The following CDH2 variants were observed in gnomAD, a reference collection of about 807,000 sequenced individuals.
The protein encoded by CDH2 is cadherin-2.
In CDH2, 17 loss-of-function variants were observed where a neutral mutation model predicts 92.0. That is an observed-to-expected ratio of 0.18 (90% CI 0.13 to 0.28). The LOEUF (loss-of-function observed/expected upper bound fraction) is 0.28, where lower values mean the gene tolerates loss of function less well. Among genes scored for constraint, CDH2 ranks in the 10% least tolerant of loss-of-function variants. The probability of loss-of-function intolerance (pLI) is 1.00; values close to 1 mark genes in which losing one functional copy is unlikely to be tolerated. For synonymous variants in CDH2, 419 were observed against 415.9 expected (o/e 1.01, Z -0.09); for missense variants, 862 against 1,133.1 (o/e 0.76, Z 3.44).
At chr18:27,949,843 G>GTA (rs1185918650), downstream of CDH2, among the ~76,000 whole-genome samples, 1 of 151,610 alleles carries the variant, frequency 6.6e-6, no homozygotes, top group Non-Finnish European at 1.5e-5. Flanking sequence ...TATTTATTGT[G>GTA]TATATATATA....
intron 2 of CDH2, among the ~76,000 whole-genome samples, chr18:28,128,685 C>CAA (rs35960464): frequency 1.3e-4 from 15 of 113,866 alleles, no homozygotes; most frequent in African/African-American, 4.9e-4. Context: ...GACCCCGTCT[C>CAA]AAAAAAAAAA....
intron 14 of CDH2, 113 bp from the exon 15 acceptor site, chr18:27,963,634 TAATGGAA>T: frequency 1.1e-6 from 1 of 880,756 alleles, no homozygotes; most frequent in Non-Finnish European, 1.7e-6. Flanking sequence ...AAATTTAACA[TAATGGAA>T]AAGTTGCCAC....
At position 28,027,851 on chromosome 18, in the gene CDH2, T is replaced by G. The variant is rs113893677; in HGVS notation, c.173-13942A>C. On this transcript the variant is annotated intron_variant, in intron 2 of 15. Coordinates refer to ENST00000269141, the MANE Select transcript of CDH2 (RefSeq NM_001792.5). ...TGCTTAGGCAGTTTTGTTTTGTTTTTTTTTTTTGCAGAATGTACCCATTAA... is the reference window on the plus strand; with the variant it reads ...TGCTTAGGCAGTTTTGTTTTGTTTTGTTTTTTTGCAGAATGTACCCATTAA... Among the ~76,000 whole-genome samples, 224 of 151,890 alleles carry G rather than the reference T, an allele frequency of 1.5e-3. 1 individual carries two copies. Among genetic ancestry groups the G allele is most frequent in the African/African-American group, 5.1e-3 (210 of 41,470 alleles).
intron 2 of CDH2, among the ~76,000 whole-genome samples, chr18:28,113,653 G>C (rs2015449151): frequency 6.6e-6 from 1 of 151,866 alleles, no homozygotes; most frequent in Non-Finnish European, 1.5e-5. Flanking sequence ...CTACTACTAT[G>C]GGCATTTTTA....
chr18:28,095,581 G>A (rs1030138848), intron 2 of CDH2, among the ~76,000 whole-genome samples: 43 of 152,146 alleles, frequency 2.8e-4, no homozygotes, highest in African/African-American at 9.1e-4. Context: ...ACTTTGGGAG[G>A]CCAAGGCGGG....
Position 28,127,536 on chromosome 18 carries a change from A to G in CDH2, c.172+20137T>C, listed in dbSNP as rs111837535. Among the ~76,000 whole-genome samples, 657 of 152,336 alleles carry G rather than the reference A, an allele frequency of 4.3e-3. 17 individuals are homozygous for G. The highest frequency in any genetic ancestry group is 0.015 in the African/African-American group (635 of 41,574). ...TAGGCAAAAATACATTTAAGATTTT[A>G]TTTAATGTTCCTAAAATAATGCTCA... On this transcript the variant is annotated intron_variant, in intron 2 of 15. Coordinates refer to ENST00000269141, the MANE Select transcript of CDH2 (RefSeq NM_001792.5).
At chr18:27,941,394 AAACCT>A (rs1909136716) in intron 6 of CDH2, among the ~76,000 whole-genome samples, 1 of 152,114 alleles carries the variant, frequency 6.6e-6, no homozygotes, top group Admixed American at 6.5e-5. Context: ...TTAATATTTA[AAACCT>A]AACATTTATA....
intron 10 of CDH2, among the ~76,000 whole-genome samples, chr18:27,989,790 T>C (rs2012351239): frequency 6.6e-6 from 1 of 152,180 alleles, no homozygotes; most frequent in African/African-American, 2.4e-5. Context: ...CTTTTTGTGA[T>C]GTTTGGCATA....
intron 1 of CDH2, among the ~76,000 whole-genome samples, chr18:28,153,979 A>T (rs554914844): frequency 6.6e-6 from 1 of 152,092 alleles, no homozygotes; most frequent in East Asian, 1.9e-4. Flanking sequence ...ATTAAAACAG[A>T]CTCTCAAGAG....
chr18:28,177,099 C>T lies in CDH2; in HGVS notation c.-77G>A. 5 of 1,104,042 alleles carry T rather than the reference C, an allele frequency of 4.5e-6. No individual in the cohort carries two copies. The highest frequency in any genetic ancestry group is 3.0e-5 in the South Asian group (2 of 67,292). 68.4% of individuals were successfully genotyped at this position (1,104,042 alleles called of 1,614,324 possible). On this transcript the variant is annotated 5_prime_UTR_variant, in exon 1 of 16. Transcript: ENST00000269141. ...GCGGCGGCGGAGGAGGAGGAGGCAG[C>T]GGCAGCACCAACAGCGGCGCGGAGA...
In CDH2 at chr18:28,155,426, T is replaced by C. The variant is rs571036430; in HGVS notation, c.61-7642A>G. 1.8e-4 allele frequency among the ~76,000 whole-genome samples: 28 copies of C among 152,342 alleles called. No individual in the cohort carries two copies. In the Middle Eastern group the frequency reaches 0.01, roughly 56 times the overall value. Reference sequence around the variant, plus strand: ...TGTGGAGACTTTTATCTCTTTGTTCTGTAAGTAACTGAGAAATATTTTAAA... The same window carrying C: ...TGTGGAGACTTTTATCTCTTTGTTCCGTAAGTAACTGAGAAATATTTTAAA... On this transcript the variant is annotated intron_variant, in intron 1 of 15. Coordinates refer to ENST00000269141, the MANE Select transcript of CDH2 (RefSeq NM_001792.5).
At chr18:28,156,664 A>C (rs4991539) in intron 1 of CDH2, among the ~76,000 whole-genome samples, 610 of 11,404 alleles carry the variant, frequency 0.053, 24 homozygotes, top group Admixed American at 0.088. Flanking sequence ...CCAGGTGCAG[A>C]ATGTCACCTT....
At chr18:28,046,571 A>G (rs2014081323) in intron 2 of CDH2, among the ~76,000 whole-genome samples, 1 of 152,130 alleles carries the variant, frequency 6.6e-6, no homozygotes. Context: ...AAGTTACAAG[A>G]CTCAGTGCTG....
At chr18:27,999,662 A>G (rs1599022577) in intron 7 of CDH2, among the ~76,000 whole-genome samples, 1 of 143,336 alleles carries the variant, frequency 7.0e-6, no homozygotes, top group African/African-American at 2.5e-5. Context: ...ATTTATATAT[A>G]TATACATATA....
chr18:28,145,245 A>G (rs2016017392), intron 2 of CDH2, among the ~76,000 whole-genome samples: 1 of 152,096 alleles, frequency 6.6e-6, no homozygotes, highest in Admixed American at 6.6e-5. Context: ...AAGCATCCAG[A>G]GTTAGGAGTT....
At chr18:28,065,998 G>C (rs1299074977) in intron 2 of CDH2, among the ~76,000 whole-genome samples, 1 of 152,126 alleles carries the variant, frequency 6.6e-6, no homozygotes, top group Non-Finnish European at 1.5e-5. Context: ...TGGAGCTAGG[G>C]GGATGACAGG....
chr18:28,115,725 T>C (rs2015486393), intron 2 of CDH2, among the ~76,000 whole-genome samples: 2 of 152,306 alleles, frequency 1.3e-5, no homozygotes, highest in African/African-American at 2.4e-5. Flanking sequence ...CTTCCATTTA[T>C]ACAAACATGT....
chr18:28,058,098 A>G (rs2014330257), intron 2 of CDH2, among the ~76,000 whole-genome samples: 1 of 152,196 alleles, frequency 6.6e-6, no homozygotes, highest in African/African-American at 2.4e-5. Flanking sequence ...TACCATTTCA[A>G]TGGGATGTAA....
At chr18:27,960,189 T>C (rs2011364967) in intron 15 of CDH2, among the ~76,000 whole-genome samples, 1 of 152,058 alleles carries the variant, frequency 6.6e-6, no homozygotes. Context: ...CCCTGGAACA[T>C]GGATCAGGGG....
Sources: allele counts gnomAD v4.1 joint callset (sites outside exome capture counted in the v4.1 genomes callset), GRCh38; gene constraint gnomAD v4.1.1; transcripts MANE v1.5; gene names NCBI Gene and HGNC (gene_info 2026-07-23, HGNC 2026-07-21).